Variants in PARD3 observed in about 807,000 individuals in gnomAD.
PARD3 encodes partitioning defective 3 homolog.
In PARD3, 75 loss-of-function variants were observed where a neutral mutation model predicts 155.4. That is an observed-to-expected ratio of 0.48 (90% confidence interval 0.40 to 0.58). The LOEUF is 0.58. Ranked by LOEUF, PARD3 falls within the 20% of genes least tolerant of loss-of-function variation. The pLI is 0.00. For missense variants in PARD3, 1,642 were observed against 1,721.7 expected, an observed-to-expected ratio of 0.95 and a Z score of 0.82; for synonymous variants, 576 against 610.5, an observed-to-expected ratio of 0.94 and a Z score of 0.83.
intron 1 of PARD3, among the ~76,000 whole-genome samples, chr10:34,750,493 ACACACAC>A (rs1164113146): frequency 6.5e-4 from 96 of 147,750 alleles, no homozygotes; most frequent in African/African-American, 2.5e-3. Context: ...ACACACACAC[ACACACAC>A]ACACACACAC....
intron 2 of PARD3, among the ~76,000 whole-genome samples, chr10:34,662,116 C>T (rs2496727): frequency 0.34 from 51,131 of 151,942 alleles, 8,702 homozygotes; most frequent in South Asian, 0.42. Context: ...AACTTCTGGC[C>T]CTTTCATCAG....
chr10:34,195,779 C>T (rs531165775), intron 22 of PARD3, among the ~76,000 whole-genome samples: 1 of 152,282 alleles, frequency 6.6e-6, no homozygotes, highest in African/African-American at 2.4e-5. Context: ...TATGTGATGA[C>T]ATCAAATAGC....
chr10:34,760,628 GC>G (rs1330318339), intron 1 of PARD3, among the ~76,000 whole-genome samples: 1 of 152,166 alleles, frequency 6.6e-6, no homozygotes. Context: ...ACTGTGCCCA[GC>G]CCCATTCTAC....
chr10:34,111,022 T>C lies in PARD3; in HGVS notation c.*147A>G, dbSNP rs1380011505. 14 of 814,318 alleles carry C rather than the reference T, an allele frequency of 1.7e-5. No homozygotes were observed. In the East Asian group the frequency reaches 3.5e-4, roughly 20 times the overall value. 50.4% of individuals were successfully genotyped at this position (814,318 alleles called of 1,614,324 possible). On this transcript the variant is annotated 3_prime_UTR_variant, in exon 25 of 25. Transcript: ENST00000374788. ...GGCAAAGACATTAAGGCCTTCCATT[T>C]CTTTGCCTACACCGCTTAAAGGCAC...
At chr10:34,152,026 T>C (rs1292173428) in intron 22 of PARD3, among the ~76,000 whole-genome samples, 1 of 152,200 alleles carries the variant, frequency 6.6e-6, no homozygotes, top group Non-Finnish European at 1.5e-5. Flanking sequence ...CTTTTGCCTT[T>C]TCTTAAAAGA....
intron 22 of PARD3, among the ~76,000 whole-genome samples, chr10:34,194,759 T>C (rs1316708826): frequency 6.6e-6 from 1 of 152,154 alleles, no homozygotes; most frequent in East Asian, 1.9e-4. Context: ...ATCTCCATGC[T>C]TAAAAATACT....
At chr10:34,697,275 T>C (rs913936171) in intron 1 of PARD3, among the ~76,000 whole-genome samples, 1 of 152,206 alleles carries the variant, frequency 6.6e-6, no homozygotes, top group Admixed American at 6.5e-5. Flanking sequence ...CTAAATTGCA[T>C]GTTTCACCAT....
chr10:34,757,769 T>C (rs1836937978), intron 1 of PARD3, among the ~76,000 whole-genome samples: 1 of 152,126 alleles, frequency 6.6e-6, no homozygotes, highest in Admixed American at 6.6e-5. Flanking sequence ...TCATGCCAAC[T>C]AGGACCATGC....
chr10:34,725,158 A>T (rs1348868967), intron 1 of PARD3, among the ~76,000 whole-genome samples: 2 of 40,950 alleles, frequency 4.9e-5, no homozygotes, highest in Non-Finnish European at 1.9e-4. Flanking sequence ...TGTGACAGAG[A>T]GAGAGAGAGA....
chr10:34,121,412 C>A (rs1169664329), intron 23 of PARD3, among the ~76,000 whole-genome samples: 1 of 152,224 alleles, frequency 6.6e-6, no homozygotes, highest in Non-Finnish European at 1.5e-5. Context: ...CGTTGTGCAA[C>A]AGGCATAGTC....
chr10:34,529,958 C>T (rs1052844935), intron 2 of PARD3, among the ~76,000 whole-genome samples: 3 of 152,136 alleles, frequency 2.0e-5, no homozygotes, highest in Non-Finnish European at 4.4e-5. Context: ...TGGTCTCAAA[C>T]TCCTGACCTC....
chr10:34,256,332 C>G (rs1451860259), intron 22 of PARD3, among the ~76,000 whole-genome samples: 1 of 152,198 alleles, frequency 6.6e-6, no homozygotes, highest in Non-Finnish European at 1.5e-5. Flanking sequence ...GAGCTGAGCT[C>G]CATGGGCTTC....
rs546470014 is a variant in PARD3, at chr10:34,291,045, T to C, written c.3066-6800A>G. On this transcript the variant is annotated intron_variant, in intron 20 of 24. Coordinates refer to ENST00000374788, the MANE Select transcript of PARD3 (RefSeq NM_001184785.2). ...CCAAGTTTCTCTGGGAAACTTTTAA[T>C]TGATTCTTGTGCTTTTTCCACATTC... Among the ~76,000 whole-genome samples the C allele has an allele frequency of 2.0e-5, 3 of 152,342 alleles. No homozygotes were observed. The South Asian group carries it at 6.2e-4, about 32-fold the overall frequency.
intron 24 of PARD3, among the ~76,000 whole-genome samples, chr10:34,111,853 T>A (rs1000883132): frequency 2.1e-4 from 32 of 152,172 alleles, no homozygotes; most frequent in African/African-American, 7.0e-4. Context: ...TTGTGTCTGT[T>A]CTGCTTAGGG....
At chr10:34,526,987 C>T (rs1631489) in intron 2 of PARD3, among the ~76,000 whole-genome samples, 78,685 of 152,060 alleles carry the variant, frequency 0.52, 23,865 homozygotes, top group African/African-American at 0.86. Context: ...CTGGTAAACT[C>T]TATACTTTAT....
chr10:34,232,547 T>A (rs1039724112), intron 22 of PARD3, among the ~76,000 whole-genome samples: 4 of 152,218 alleles, frequency 2.6e-5, no homozygotes, highest in African/African-American at 9.6e-5. Flanking sequence ...TGTTCCTCTT[T>A]TATAGAACAG....
chr10:34,716,585 C>CTG (rs2094523414), intron 1 of PARD3, among the ~76,000 whole-genome samples: 29 of 73,250 alleles, frequency 4.0e-4, no homozygotes, highest in Non-Finnish European at 3.3e-4. Context: ...GATGGCTTTT[C>CTG]TTTTTTTTTT....
intron 4 of PARD3, among the ~76,000 whole-genome samples, chr10:34,457,326 G>A (rs76038389): frequency 2.6e-5 from 4 of 152,308 alleles, no homozygotes; most frequent in Non-Finnish European, 5.9e-5. Flanking sequence ...AGAAAGACCA[G>A]CAAAACTCAA....
At chr10:34,168,370 C>T (rs936541223) in intron 22 of PARD3, among the ~76,000 whole-genome samples, 1 of 152,170 alleles carries the variant, frequency 6.6e-6, no homozygotes, top group Admixed American at 6.5e-5. Context: ...AAACATGTCA[C>T]TAATTTTAAA....
Sources: allele counts gnomAD v4.1 joint callset (sites outside exome capture counted in the v4.1 genomes callset), GRCh38; gene constraint gnomAD v4.1.1; transcripts MANE v1.5; gene names NCBI Gene and HGNC (gene_info 2026-07-23, HGNC 2026-07-21).